The following LDLRAD4 variants were observed in gnomAD, a reference collection of about 807,000 sequenced individuals.
The protein encoded by LDLRAD4 is low-density lipoprotein receptor class A domain-containing protein 4.
A neutral mutation model predicts 17.0 loss-of-function variants in LDLRAD4; 5 were observed. The ratio of observed to expected loss-of-function variants is 0.29; its 90% CI spans 0.15 to 0.62. LDLRAD4 has a LOEUF of 0.62. LDLRAD4 is among the 20% of genes least tolerant of loss of function. The pLI is 0.84. For missense variants in LDLRAD4, 340 were observed against 424.7 expected (o/e 0.80, Z 1.75); for synonymous variants, 168 against 171.8 (o/e 0.98, Z 0.17).
intron 3 of LDLRAD4, among the ~76,000 whole-genome samples, chr18:13,580,994 G>A (rs1301337746): frequency 6.6e-6 from 1 of 152,146 alleles, no homozygotes; most frequent in Non-Finnish European, 1.5e-5. Context: ...AAAATGCTTG[G>A]GACCAGAAGT....
chr18:13,310,925 G>A (rs780831563), intron 1 of LDLRAD4, among the ~76,000 whole-genome samples: 11 of 152,164 alleles, frequency 7.2e-5, no homozygotes, highest in Non-Finnish European at 1.0e-4. Flanking sequence ...CCAGAGAGAC[G>A]TAAGTTCAAT....
intron 2 of LDLRAD4, among the ~76,000 whole-genome samples, chr18:13,394,125 G>A (rs188332320): frequency 2.2e-4 from 34 of 152,342 alleles, no homozygotes; most frequent in African/African-American, 8.2e-4. Flanking sequence ...TCTGTGGTAT[G>A]TGTACTTGGT....
intron 2 of LDLRAD4, among the ~76,000 whole-genome samples, chr18:13,433,624 A>G (rs185458240): frequency 3.3e-4 from 50 of 152,288 alleles, no homozygotes; most frequent in African/African-American, 8.2e-4. Context: ...AGCATTTATC[A>G]TTGCATCCTG....
intron 1 of LDLRAD4, among the ~76,000 whole-genome samples, chr18:13,339,758 A>G (rs2082277284): frequency 6.6e-6 from 1 of 152,176 alleles, no homozygotes; most frequent in Non-Finnish European, 1.5e-5. Context: ...ACCATTGTTA[A>G]TGTTTTCTTC....
chr18:13,567,223 A>G (rs1460460402), intron 3 of LDLRAD4, among the ~76,000 whole-genome samples: 3 of 152,228 alleles, frequency 2.0e-5, no homozygotes, highest in African/African-American at 7.2e-5. Flanking sequence ...CTAAGAGTCC[A>G]GGGGCGCTGC....
At chr18:13,263,651 A>G (rs1025541398) in intron 1 of LDLRAD4, among the ~76,000 whole-genome samples, 6 of 152,174 alleles carry the variant, frequency 3.9e-5, no homozygotes, top group African/African-American at 9.7e-5. Flanking sequence ...GAATTTCTCC[A>G]TCGATAAAAG....
chr18:13,598,853 A>G (rs902978789), intron 3 of LDLRAD4, among the ~76,000 whole-genome samples: 6 of 152,172 alleles, frequency 3.9e-5, no homozygotes, highest in Non-Finnish European at 8.8e-5. Flanking sequence ...GCCCTCCTCA[A>G]CTTTATGGGC....
chr18:13,312,023 G>C (rs1324661174), intron 1 of LDLRAD4, among the ~76,000 whole-genome samples: 1 of 151,984 alleles, frequency 6.6e-6, no homozygotes, highest in Non-Finnish European at 1.5e-5. Context: ...TTTTAGTAGA[G>C]ACGGGGTTTC....
At chr18:13,423,055 C>G (rs1278655682) in intron 2 of LDLRAD4, among the ~76,000 whole-genome samples, 1 of 152,226 alleles carries the variant, frequency 6.6e-6, no homozygotes, top group African/African-American at 2.4e-5. Context: ...GAATGAATGC[C>G]TGCCACACCA....
intron 3 of LDLRAD4, among the ~76,000 whole-genome samples, chr18:13,525,284 C>A (rs570095647): frequency 6.6e-6 from 1 of 152,302 alleles, no homozygotes; most frequent in East Asian, 1.9e-4. Flanking sequence ...CTTAAGCTCT[C>A]TGTTTTTCTG....
At chr18:13,588,568 C>A (rs1055523844) in intron 3 of LDLRAD4, among the ~76,000 whole-genome samples, 1 of 151,876 alleles carries the variant, frequency 6.6e-6, no homozygotes, top group Non-Finnish European at 1.5e-5. Context: ...TTGCCCTTAG[C>A]ATGTTATTTT....
rs906661628 is a variant in LDLRAD4 at position 13,318,250 on chromosome 18, T to G, written c.-383+40062T>G. On this transcript the variant is annotated intron_variant, in intron 1 of 5. Coordinates refer to ENST00000359446, the Ensembl canonical transcript of LDLRAD4. Reference sequence around the variant, plus strand: ...ATCGCTGATTTCTGGGGATGGAGCTTTAATTCATAGTGAAATCTTTTTTTT... The same window carrying G: ...ATCGCTGATTTCTGGGGATGGAGCTGTAATTCATAGTGAAATCTTTTTTTT... 2.0e-5 allele frequency among the ~76,000 whole-genome samples: 3 copies of G among 152,108 alleles called. 1 individual carries two copies. The highest frequency in any genetic ancestry group is 7.2e-5 in the African/African-American group (3 of 41,410).
intron 1 of LDLRAD4, among the ~76,000 whole-genome samples, chr18:13,265,211 C>T (rs2044148305): frequency 6.6e-6 from 1 of 152,208 alleles, no homozygotes; most frequent in Non-Finnish European, 1.5e-5. Flanking sequence ...CCTCTGCCGT[C>T]TCTCCCCTCC....
rs139122886 is a variant in LDLRAD4 at position 13,632,274 on chromosome 18, C to T, written c.336+11003C>T. ...CCTGCCCACTTCCCCTGGCAGGCTG[C>T]GCTCAGCTCACGTTACTGGCCCAGA... On this transcript the variant is annotated intron_variant, in intron 4 of 5. Coordinates refer to ENST00000359446, the Ensembl canonical transcript of LDLRAD4. Among the ~76,000 whole-genome samples the T allele has an allele frequency of 2.7e-3, 415 of 152,324 alleles. 2 individuals are homozygous for T. The highest frequency in any genetic ancestry group is 9.1e-3 in the African/African-American group (380 of 41,584).
At chr18:13,430,977 CA>C (rs929423835) in intron 2 of LDLRAD4, among the ~76,000 whole-genome samples, 2 of 152,180 alleles carry the variant, frequency 1.3e-5, no homozygotes, top group Non-Finnish European at 2.9e-5. Context: ...AAGAAGGACT[CA>C]TGTGTCAGGA....
At chr18:13,422,177 G>T (rs901582834) in intron 2 of LDLRAD4, among the ~76,000 whole-genome samples, 1 of 152,186 alleles carries the variant, frequency 6.6e-6, no homozygotes, top group Non-Finnish European at 1.5e-5. Context: ...GAACATTCAT[G>T]ATTATGGAGC....
intron 1 of LDLRAD4, among the ~76,000 whole-genome samples, chr18:13,312,081 C>T (rs1226353565): frequency 1.3e-5 from 2 of 152,094 alleles, no homozygotes; most frequent in Admixed American, 6.5e-5. Context: ...AAGATCCGCC[C>T]GCCTCGGCCT....
At chr18:13,641,541 G>T (rs2042559404) in intron 4 of LDLRAD4, among the ~76,000 whole-genome samples, 1 of 152,262 alleles carries the variant, frequency 6.6e-6, no homozygotes, top group Admixed American at 6.5e-5. Context: ...GCCTAGGGCA[G>T]CGGCCTCTGC....
chr18:13,531,825 G>A (rs1365665505), intron 3 of LDLRAD4, among the ~76,000 whole-genome samples: 1 of 152,088 alleles, frequency 6.6e-6, no homozygotes, highest in African/African-American at 2.4e-5. Flanking sequence ...ACAGTGGAGG[G>A]GGTGAGGGTC....
Sources: gnomAD v4.1 joint callset for allele counts (sites outside exome capture counted in the v4.1 genomes callset) on GRCh38, gnomAD v4.1.1 for gene constraint, MANE v1.5 for transcripts, NCBI Gene and HGNC (gene_info 2026-07-23, HGNC 2026-07-21) for gene names.